Variants in ALK observed in about 807,000 individuals in gnomAD.
The protein encoded by ALK is ALK tyrosine kinase receptor.
Under a neutral mutation model 163.1 loss-of-function variants are expected in ALK, and 74 were observed. That is an observed-to-expected ratio of 0.45 (90% CI 0.38 to 0.55). ALK has a LOEUF of 0.55. Ranked by LOEUF, ALK falls within the 20% of genes least tolerant of loss-of-function variation. The pLI is 0.00. For synonymous variants in ALK, 960 were observed against 843.2 expected (o/e 1.14, Z -2.40); for missense variants, 2,063 against 2,105.3 (o/e 0.98, Z 0.39).
intron 5 of ALK, among the ~76,000 whole-genome samples, chr2:29,360,854 A>T (rs1190495465): frequency 6.6e-6 from 1 of 152,216 alleles, no homozygotes; most frequent in African/African-American, 2.4e-5. Flanking sequence ...AGTGGTCAGA[A>T]GCTTACTTGT....
intron 3 of ALK, among the ~76,000 whole-genome samples, chr2:29,547,420 A>T (rs1352189334): frequency 6.6e-6 from 1 of 152,138 alleles, no homozygotes; most frequent in Non-Finnish European, 1.5e-5. Flanking sequence ...AACATGGTGA[A>T]ACCCCATCTC....
At chr2:29,228,365 G>A (rs1462017861) in intron 16 of ALK, among the ~76,000 whole-genome samples, 6 of 152,194 alleles carry the variant, frequency 3.9e-5, no homozygotes, top group Admixed American at 1.3e-4. Context: ...AAGCCCAGAC[G>A]AGGCAGCTGG....
At chr2:29,225,890 G>A (rs181114156) in intron 18 of ALK, among the ~76,000 whole-genome samples, 3 of 152,230 alleles carry the variant, frequency 2.0e-5, no homozygotes, top group Non-Finnish European at 4.4e-5. Flanking sequence ...AGAGATGTGG[G>A]GGCCGCAGGT....
Position 29,792,801 on chromosome 2 carries a change from A to AT in ALK, c.668-75105_668-75104insA, listed in dbSNP as rs548212016. Among the ~76,000 whole-genome samples the AT allele has an allele frequency of 5.8e-3, 875 of 151,854 alleles. 9 individuals are homozygous for AT. The highest frequency in any genetic ancestry group is 0.02 in the African/African-American group (834 of 41,410). On this transcript the variant is annotated intron_variant, in intron 1 of 28. Transcript: ENST00000389048. ...TATGCAATAGCATAATCTCTAAAAA[A>AT]ATATACACATCTTAATTTAAAAATA...
intron 4 of ALK, among the ~76,000 whole-genome samples, chr2:29,427,634 TA>T (rs1670176859): frequency 6.6e-6 from 1 of 151,482 alleles, no homozygotes; most frequent in African/African-American, 2.4e-5. Flanking sequence ...CAGTATGAGA[TA>T]AAAAGAACAA....
At chr2:29,810,605 C>A (rs546924706) in intron 1 of ALK, among the ~76,000 whole-genome samples, 8 of 152,240 alleles carry the variant, frequency 5.3e-5, no homozygotes, top group Non-Finnish European at 1.2e-4. Context: ...ATTCTCCTCC[C>A]AGTTTCAACG....
intron 3 of ALK, among the ~76,000 whole-genome samples, chr2:29,661,365 C>G (rs1409664458): frequency 6.6e-6 from 1 of 152,104 alleles, no homozygotes; most frequent in Non-Finnish European, 1.5e-5. Flanking sequence ...GAGGCATTGC[C>G]ATTTTGCACT....
chr2:29,372,753 C>T (rs1287757393), intron 5 of ALK, among the ~76,000 whole-genome samples: 2 of 152,156 alleles, frequency 1.3e-5, no homozygotes, highest in African/African-American at 4.8e-5. Flanking sequence ...GATGCTGTAT[C>T]CCTTGCTTTT....
At chr2:29,833,883 C>A (rs1347136679) in intron 1 of ALK, among the ~76,000 whole-genome samples, 1 of 152,276 alleles carries the variant, frequency 6.6e-6, no homozygotes, top group East Asian at 1.9e-4. Flanking sequence ...TCCTTGGAAG[C>A]TTAATTACAT....
chr2:29,393,789 C>T (rs80270335), intron 4 of ALK, among the ~76,000 whole-genome samples: 9,740 of 152,184 alleles, frequency 0.064, 421 homozygotes, highest in Middle Eastern at 0.099. Context: ...ACAGTTTATG[C>T]CAGCTGTACT....
intron 3 of ALK, among the ~76,000 whole-genome samples, chr2:29,662,862 C>T (rs576402083): frequency 6.6e-6 from 1 of 152,216 alleles, no homozygotes; most frequent in East Asian, 1.9e-4. Context: ...ATGTTTGTGC[C>T]TTATCTTTTT....
chr2:29,687,222 C>G (rs1402224765), intron 3 of ALK, among the ~76,000 whole-genome samples: 1 of 151,898 alleles, frequency 6.6e-6, no homozygotes, highest in Non-Finnish European at 1.5e-5. Flanking sequence ...TGGGTATATT[C>G]CTGAGCCTGC....
Position 29,730,569 on chromosome 2 carries a change from T to C in ALK, c.668-12872A>G, listed in dbSNP as rs191566442. Among the ~76,000 whole-genome samples, 6 of 152,214 alleles carry C rather than the reference T, an allele frequency of 3.9e-5. No individual in the cohort carries two copies. In the East Asian group the frequency reaches 1.2e-3, roughly 29 times the overall value. On this transcript the variant is annotated intron_variant, in intron 1 of 28. Transcript: ENST00000389048. ...CTTTCATTTAAGCCTTTGATCCTCA[T>C]AAAGGTTTAATAAGATAAGAAAAAC... is the stretch of plus-strand genomic sequence containing the variant.
intron 1 of ALK, among the ~76,000 whole-genome samples, chr2:29,746,481 T>A (rs900035123): frequency 6.6e-6 from 1 of 152,198 alleles, no homozygotes; most frequent in Non-Finnish European, 1.5e-5. Flanking sequence ...GCAACAAAGT[T>A]TGGCTTTGCT....
chr2:29,627,383 G>C (rs1404196897), intron 3 of ALK, among the ~76,000 whole-genome samples: 1 of 152,128 alleles, frequency 6.6e-6, no homozygotes, highest in African/African-American at 2.4e-5. Flanking sequence ...CCAACATAAG[G>C]CTCACTGTTG....
chr2:29,885,678 G>C (rs1305331621), intron 1 of ALK, among the ~76,000 whole-genome samples: 1 of 152,064 alleles, frequency 6.6e-6, no homozygotes, highest in Admixed American at 6.6e-5. Flanking sequence ...ATGGAGATGA[G>C]TGCCTCCAAA....
intron 3 of ALK, 120 bp from the exon 4 acceptor site, chr2:29,532,236 C>G: frequency 1.1e-6 from 1 of 917,764 alleles, no homozygotes; most frequent in South Asian, 1.4e-5. Flanking sequence ...CCATTATCTC[C>G]TTCTCTGCAT....
chr2:29,700,571 G>A (rs888840318), intron 2 of ALK, among the ~76,000 whole-genome samples: 3 of 152,138 alleles, frequency 2.0e-5, no homozygotes, highest in Non-Finnish European at 4.4e-5. Flanking sequence ...AAGCTTATGT[G>A]AGTTTTGCAC....
At chr2:29,199,214 A>T (rs1669099931) in intron 26 of ALK, among the ~76,000 whole-genome samples, 1 of 152,208 alleles carries the variant, frequency 6.6e-6, no homozygotes, top group South Asian at 2.1e-4. Flanking sequence ...TCGGCCTCCC[A>T]AAGTGCTGGG....
Sources: gnomAD v4.1 joint callset for allele counts (sites outside exome capture counted in the v4.1 genomes callset) on GRCh38, gnomAD v4.1.1 for gene constraint, MANE v1.5 for transcripts, NCBI Gene and HGNC (gene_info 2026-07-23, HGNC 2026-07-21) for gene names.